LRP1B: variants seen among roughly 807,000 people sequenced by gnomAD.
The protein encoded by LRP1B is LDL receptor related protein 1B.
Under a neutral mutation model 556.6 loss-of-function variants are expected in LRP1B, and 217 were observed. That is an observed-to-expected ratio of 0.39 (90% CI 0.35 to 0.44). The LOEUF is 0.44. Ranked by LOEUF, LRP1B falls within the 20% of genes least tolerant of loss-of-function variation. The pLI, the probability that LRP1B is intolerant of heterozygous loss-of-function variation, is 1.00. For missense variants in LRP1B, 5,053 were observed against 5,620.8 expected, an observed-to-expected ratio of 0.90 and a Z score of 3.23; for synonymous variants, 2,047 against 1,865.8, an observed-to-expected ratio of 1.10 and a Z score of -2.50.
At chr2:140,923,876 A>C (rs1451458910) in intron 20 of LRP1B, among the ~76,000 whole-genome samples, 1 of 152,020 alleles carries the variant, frequency 6.6e-6, no homozygotes, top group Non-Finnish European at 1.5e-5. Context: ...AATAAAAGTA[A>C]GAAAATATAA....
chr2:141,832,327 T>TCACACACACACA (rs869062999), intron 1 of LRP1B, among the ~76,000 whole-genome samples: 1 of 143,864 alleles, frequency 7.0e-6, no homozygotes, highest in East Asian at 2.0e-4. Flanking sequence ...TCTTTCTCTC[T>TCACACACACACA]CACACACACA....
intron 2 of LRP1B, among the ~76,000 whole-genome samples, chr2:141,685,111 G>A (rs778600256): frequency 6.6e-6 from 1 of 151,750 alleles, no homozygotes; most frequent in East Asian, 1.9e-4. Context: ...TTTTCCTTTT[G>A]TTTTCTTCCT....
intron 77 of LRP1B, among the ~76,000 whole-genome samples, chr2:140,344,722 G>A (rs1395441238): frequency 6.6e-6 from 1 of 151,770 alleles, no homozygotes; most frequent in Admixed American, 6.6e-5. Context: ...AAAGTAAGCA[G>A]TTGGACAGGG....
chr2:141,227,214 C>A (rs900147258), intron 6 of LRP1B, among the ~76,000 whole-genome samples: 4 of 152,080 alleles, frequency 2.6e-5, no homozygotes, highest in African/African-American at 9.7e-5. Flanking sequence ...AGAGAAGACA[C>A]CATTATTAGG....
intron 43 of LRP1B, among the ~76,000 whole-genome samples, chr2:140,560,874 T>A (rs1326891694): frequency 2.0e-5 from 3 of 152,182 alleles, no homozygotes; most frequent in Admixed American, 2.0e-4. Flanking sequence ...GAAAAGGTGC[T>A]CTTCAATAAA....
intron 1 of LRP1B, among the ~76,000 whole-genome samples, chr2:142,063,507 A>C (rs898860237): frequency 6.6e-5 from 10 of 151,694 alleles, no homozygotes; most frequent in African/African-American, 1.9e-4. Context: ...TCAATCAGCA[A>C]CATGTCTGCC....
chr2:141,642,825 G>A (rs1689389327), intron 2 of LRP1B, among the ~76,000 whole-genome samples: 1 of 152,072 alleles, frequency 6.6e-6, no homozygotes, highest in South Asian at 2.1e-4. Flanking sequence ...TTCTTAGAGA[G>A]ATTAAAATGA....
chr2:140,879,095 T>C (rs1017127783), intron 25 of LRP1B, among the ~76,000 whole-genome samples: 1 of 151,968 alleles, frequency 6.6e-6, no homozygotes. Flanking sequence ...AAGCCACCAA[T>C]AGATGTAGAT....
chr2:140,577,354 G>A (rs537993389), intron 43 of LRP1B, among the ~76,000 whole-genome samples: 26 of 151,396 alleles, frequency 1.7e-4, no homozygotes, highest in African/African-American at 3.4e-4. Context: ...CTGGTGGTGC[G>A]CACCTGTAGT....
At chr2:141,271,611 C>G (rs1296260464) in intron 3 of LRP1B, among the ~76,000 whole-genome samples, 1 of 151,410 alleles carries the variant, frequency 6.6e-6, no homozygotes, top group Non-Finnish European at 1.5e-5. Flanking sequence ...GAAAAAAATG[C>G]CAACCAAGAA....
chr2:140,234,926 T>TCG lies in LRP1B; in HGVS notation c.13561-43_13561-42insCG, dbSNP rs1203129222. On this transcript the variant is annotated intron_variant, in intron 89 of 90. Transcript: ENST00000389484. ...AATTTTAGTTTCTGATCTAATATTA[T>TCG]AGAATCACTTTTCATCGATACATAT... is the stretch of plus-strand genomic sequence containing the variant. 5.3e-6 allele frequency: 4 copies of TCG among 747,762 alleles called. No homozygotes were observed. The African/African-American group carries it at 7.0e-5, about 13-fold the overall frequency. 46.3% of individuals were successfully genotyped at this position (747,762 alleles called of 1,614,324 possible). A position where few individuals can be genotyped will look rare whatever the true frequency, so the allele number is the denominator to read the frequency against.
intron 1 of LRP1B, among the ~76,000 whole-genome samples, chr2:141,842,294 T>A (rs1373001799): frequency 6.6e-6 from 1 of 152,098 alleles, no homozygotes; most frequent in African/African-American, 2.4e-5. Flanking sequence ...GGTAATATAA[T>A]TTAGGTAAAA....
At chr2:141,875,181 A>C (rs1698714483) in intron 1 of LRP1B, among the ~76,000 whole-genome samples, 1 of 151,652 alleles carries the variant, frequency 6.6e-6, no homozygotes, top group African/African-American at 2.4e-5. Context: ...TATGACACAT[A>C]TAATATATAT....
rs530264889 is a variant in LRP1B at position 140,560,785 on chromosome 2, G to A, written c.7195-18814C>T. Among the ~76,000 whole-genome samples, 5 of 152,054 alleles carry A rather than the reference G, an allele frequency of 3.3e-5. No individual in the cohort carries two copies. In the South Asian group the frequency reaches 1.0e-3, roughly 32 times the overall value. On this transcript the variant is annotated intron_variant, in intron 43 of 90. Coordinates refer to ENST00000389484, the MANE Select transcript of LRP1B (RefSeq NM_018557.3). ...CTCAAACTAATTCTAAAATGTATAG[G>A]AAAATGAAAAGAAACCAAAATAGCT...
At chr2:141,035,327 CACA>C (rs1698500938) in intron 11 of LRP1B, among the ~76,000 whole-genome samples, 2 of 150,960 alleles carry the variant, frequency 1.3e-5, no homozygotes, top group Non-Finnish European at 2.9e-5. Context: ...GCACATTGTG[CACA>C]TGTACCCTAA....
chr2:140,736,768 C>T (rs1252020321), intron 35 of LRP1B, among the ~76,000 whole-genome samples: 1 of 152,160 alleles, frequency 6.6e-6, no homozygotes, highest in Non-Finnish European at 1.5e-5. Context: ...AAAGCCTAGA[C>T]AATACCATTC....
chr2:141,130,339 C>CA (rs1404524218), intron 7 of LRP1B, among the ~76,000 whole-genome samples: 1 of 152,038 alleles, frequency 6.6e-6, no homozygotes, highest in African/African-American at 2.4e-5. Flanking sequence ...TGCTTACCCT[C>CA]ATTCAAAACA....
At chr2:141,456,822 C>T (rs940694230) in intron 3 of LRP1B, among the ~76,000 whole-genome samples, 1 of 152,112 alleles carries the variant, frequency 6.6e-6, no homozygotes, top group African/African-American at 2.4e-5. Flanking sequence ...ATGATTGACA[C>T]TGATCCAGGA....
intron 83 of LRP1B, among the ~76,000 whole-genome samples, chr2:140,311,961 A>C (rs1684323870): frequency 6.6e-6 from 1 of 151,884 alleles, no homozygotes; most frequent in Admixed American, 6.6e-5. Flanking sequence ...GTTATCCAAA[A>C]ATTCTGGTTT....
Sources: allele counts gnomAD v4.1 joint callset (sites outside exome capture counted in the v4.1 genomes callset), GRCh38; gene constraint gnomAD v4.1.1; transcripts MANE v1.5; gene names NCBI Gene and HGNC (gene_info 2026-07-23, HGNC 2026-07-21).